RCAN2: variants seen among roughly 807,000 people sequenced by gnomAD.
RCAN2 encodes the protein regulator of calcineurin 2.
RCAN2 carries 9 observed loss-of-function variants against 23.6 expected under a neutral mutation model. The observed-to-expected ratio is 0.38, with a 90% CI of 0.23 to 0.67. The LOEUF (loss-of-function observed/expected upper bound fraction) is 0.67. RCAN2 is among the 30% of genes least tolerant of loss of function. The probability of loss-of-function intolerance (pLI) is 0.51; values close to 1 mark genes in which losing one functional copy is unlikely to be tolerated. For synonymous variants in RCAN2, 109 were observed against 115.7 expected, an observed-to-expected ratio of 0.94 and a Z score of 0.37; for missense variants, 273 against 302.3, an observed-to-expected ratio of 0.90 and a Z score of 0.72.
intron 2 of RCAN2, among the ~76,000 whole-genome samples, chr6:46,323,763 C>T (rs545198599): frequency 5.9e-5 from 9 of 152,334 alleles, no homozygotes; most frequent in Admixed American, 4.6e-4. Context: ...TTTAAAGAAA[C>T]CTTCGGCAGT....
At chr6:46,378,750 A>G (rs552990806) in intron 2 of RCAN2, among the ~76,000 whole-genome samples, 1 of 152,312 alleles carries the variant, frequency 6.6e-6, no homozygotes, top group East Asian at 1.9e-4. Flanking sequence ...GATACTCTAG[A>G]GTATCTGTGA....
chr6:46,463,985 G>A lies in RCAN2; in HGVS notation c.-2-7007C>T, dbSNP rs192902896. ...ATTCCATGTTATGGCCAGCTAAGGA[G>A]GATAAATAAGGAAATAGAATAAATG... On this transcript the variant is annotated intron_variant, in intron 1 of 4. Coordinates refer to ENST00000371374, the MANE Select transcript of RCAN2 (RefSeq NM_001251974.2). Among the ~76,000 whole-genome samples the A allele has an allele frequency of 4.2e-3, 633 of 152,184 alleles. 2 individuals are homozygous for A. The highest frequency in any genetic ancestry group is 0.014 in the African/African-American group (594 of 41,544).
intron 2 of RCAN2, among the ~76,000 whole-genome samples, chr6:46,342,159 C>G (rs977281211): frequency 1.2e-4 from 19 of 152,120 alleles, no homozygotes; most frequent in African/African-American, 4.1e-4. Flanking sequence ...GAAAGACTGG[C>G]TCTAGGCTCA....
At chr6:46,281,129 G>A (rs1232206128) in intron 2 of RCAN2, among the ~76,000 whole-genome samples, 1 of 152,130 alleles carries the variant, frequency 6.6e-6, no homozygotes, top group Non-Finnish European at 1.5e-5. Context: ...GAGGGAGGGG[G>A]AGAAGAAAAG....
intron 2 of RCAN2, among the ~76,000 whole-genome samples, chr6:46,297,675 A>G (rs1457665358): frequency 6.6e-6 from 1 of 152,152 alleles, no homozygotes; most frequent in Non-Finnish European, 1.5e-5. Flanking sequence ...ACAGGTCTAA[A>G]CATTCTGATG....
intron 4 of RCAN2, among the ~76,000 whole-genome samples, chr6:46,239,893 C>T (rs1439273635): frequency 1.3e-5 from 2 of 151,956 alleles, no homozygotes; most frequent in African/African-American, 4.8e-5. Flanking sequence ...ATGGGATCAA[C>T]TGATTGACTG....
At chr6:46,366,673 G>A (rs925466120) in intron 2 of RCAN2, among the ~76,000 whole-genome samples, 8 of 151,808 alleles carry the variant, frequency 5.3e-5, no homozygotes, top group Non-Finnish European at 2.9e-5. Context: ...CCCAACCCAG[G>A]GATGTCTGAT....
intron 2 of RCAN2, among the ~76,000 whole-genome samples, chr6:46,356,573 G>A (rs1764837785): frequency 6.6e-6 from 1 of 152,284 alleles, no homozygotes; most frequent in African/African-American, 2.4e-5. Flanking sequence ...GGATGCAACT[G>A]GTGTGGTCAG....
At chr6:46,358,709 T>G (rs989200692) in intron 2 of RCAN2, among the ~76,000 whole-genome samples, 1 of 152,130 alleles carries the variant, frequency 6.6e-6, no homozygotes, top group African/African-American at 2.4e-5. Context: ...ATTGTTAGAG[T>G]TTGCAGGTGA....
intron 2 of RCAN2, among the ~76,000 whole-genome samples, chr6:46,303,232 C>T (rs1242439708): frequency 6.6e-6 from 1 of 151,774 alleles, no homozygotes; most frequent in Non-Finnish European, 1.5e-5. Flanking sequence ...CCAAGCAGAA[C>T]CAACACGAGA....
chr6:46,425,079 A>T (rs1487211631), intron 2 of RCAN2, among the ~76,000 whole-genome samples: 1 of 152,172 alleles, frequency 6.6e-6, no homozygotes, highest in Non-Finnish European at 1.5e-5. Context: ...AACAGGCTGG[A>T]TGTCAACAGC....
At chr6:46,430,497 A>G (rs1443054319) in intron 2 of RCAN2, among the ~76,000 whole-genome samples, 1 of 152,164 alleles carries the variant, frequency 6.6e-6, no homozygotes, top group Non-Finnish European at 1.5e-5. Flanking sequence ...GTTAGTGTAC[A>G]GGTGGCAATT....
chr6:46,413,337 T>C (rs1309129491), intron 2 of RCAN2, among the ~76,000 whole-genome samples: 2 of 152,228 alleles, frequency 1.3e-5, no homozygotes, highest in East Asian at 1.9e-4. Flanking sequence ...AATTAGTTGG[T>C]ATTTAAATCT....
chr6:46,420,949 G>A (rs968663686), intron 2 of RCAN2, among the ~76,000 whole-genome samples: 5 of 152,188 alleles, frequency 3.3e-5, no homozygotes, highest in African/African-American at 1.2e-4. Context: ...CACTGTGCTA[G>A]GCACTAAGGA....
chr6:46,458,632 A>T (rs1490584344), intron 1 of RCAN2, among the ~76,000 whole-genome samples: 1 of 152,144 alleles, frequency 6.6e-6, no homozygotes, highest in African/African-American at 2.4e-5. Context: ...AATAATCTAA[A>T]ATATATGAAT....
chr6:46,344,392 A>G (rs1764420909), intron 2 of RCAN2, among the ~76,000 whole-genome samples: 1 of 152,130 alleles, frequency 6.6e-6, no homozygotes, highest in South Asian at 2.1e-4. Context: ...ATTGGTAAGG[A>G]AGGGAAGAAG....
chr6:46,312,755 T>C (rs1282852002), intron 2 of RCAN2, among the ~76,000 whole-genome samples: 2 of 152,216 alleles, frequency 1.3e-5, no homozygotes, highest in African/African-American at 4.8e-5. Flanking sequence ...TCAAGGATAC[T>C]GGGACTCTGC....
At chr6:46,401,514 T>G (rs1766247833) in intron 2 of RCAN2, among the ~76,000 whole-genome samples, 1 of 152,130 alleles carries the variant, frequency 6.6e-6, no homozygotes, top group South Asian at 2.1e-4. Flanking sequence ...CAGCAAAAGA[T>G]CCCTCATACC....
At chr6:46,485,522 A>C (rs1190461003) in intron 1 of RCAN2, among the ~76,000 whole-genome samples, 1 of 152,176 alleles carries the variant, frequency 6.6e-6, no homozygotes, top group African/African-American at 2.4e-5. Context: ...AAGAAAAAAA[A>C]CAAAACATTA....
Sources: gnomAD v4.1 joint callset for allele counts (sites outside exome capture counted in the v4.1 genomes callset) on GRCh38, gnomAD v4.1.1 for gene constraint, MANE v1.5 for transcripts, NCBI Gene and HGNC (gene_info 2026-07-23, HGNC 2026-07-21) for gene names.